The following SLC39A11 variants were observed in gnomAD, a reference collection of about 807,000 sequenced individuals.
SLC39A11 encodes the protein solute carrier family 39 member 11, also known as zinc transporter ZIP11.
SLC39A11 carries 33 observed loss-of-function variants against 36.1 expected under a neutral mutation model. That is an observed-to-expected ratio of 0.91 (90% CI 0.69 to 1.22). The LOEUF (loss-of-function observed/expected upper bound fraction) is 1.22, where lower values mean the gene tolerates loss of function less well. Among genes scored for constraint, SLC39A11 ranks in the 50% most tolerant of loss-of-function variants. SLC39A11 has a pLI of 0.00. For synonymous variants in SLC39A11, 166 were observed against 170.3 expected (o/e 0.97, Z 0.20); for missense variants, 432 against 430.3 (o/e 1.00, Z -0.03).
chr17:73,039,044 G>C (rs2059022170), intron 3 of SLC39A11, among the ~76,000 whole-genome samples: 1 of 152,138 alleles, frequency 6.6e-6, no homozygotes, highest in African/African-American at 2.4e-5. Flanking sequence ...TCAAGTCCGA[G>C]TTTGAATCTT....
At chr17:72,868,012 A>G (rs942502161) in intron 5 of SLC39A11, among the ~76,000 whole-genome samples, 1 of 152,196 alleles carries the variant, frequency 6.6e-6, no homozygotes, top group African/African-American at 2.4e-5. Flanking sequence ...AACCAATCAG[A>G]TATTTTCTTA....
chr17:72,691,346 C>T (rs971175833), intron 7 of SLC39A11, among the ~76,000 whole-genome samples: 1 of 151,834 alleles, frequency 6.6e-6, no homozygotes, highest in African/African-American at 2.4e-5. Context: ...CAAGTGTAGA[C>T]CCGGCCTTAC....
intron 3 of SLC39A11, among the ~76,000 whole-genome samples, chr17:73,042,882 T>G (rs911706738): frequency 6.6e-6 from 1 of 152,072 alleles, no homozygotes; most frequent in Non-Finnish European, 1.5e-5. Context: ...GTTCTCCAAA[T>G]CAGATATAAA....
intron 5 of SLC39A11, among the ~76,000 whole-genome samples, chr17:72,924,064 T>C (rs1433964040): frequency 6.6e-6 from 1 of 151,226 alleles, no homozygotes; most frequent in African/African-American, 2.4e-5. Context: ...GGAGGATCAC[T>C]TGAGCCCGGG....
intron 4 of SLC39A11, among the ~76,000 whole-genome samples, chr17:73,013,410 A>G (rs1598855270): frequency 6.6e-6 from 1 of 152,362 alleles, no homozygotes; most frequent in Non-Finnish European, 1.5e-5. Context: ...TTCCACTTAT[A>G]AGTAAGAACA....
At chr17:73,065,226 G>A (rs2059963799) in intron 3 of SLC39A11, among the ~76,000 whole-genome samples, 1 of 152,060 alleles carries the variant, frequency 6.6e-6, no homozygotes, top group South Asian at 2.1e-4. Flanking sequence ...CCAAAATGGT[G>A]AAACCTCGTC....
In SLC39A11 at chr17:72,665,394, T is replaced by TTTG. The variant is rs1346869327; in HGVS notation, c.672-16127_672-16126insCAA. On this transcript the variant is annotated intron_variant, in intron 7 of 9. Coordinates refer to ENST00000255559, the MANE Select transcript of SLC39A11 (RefSeq NM_139177.4). ...AAGCCACCAAGTTTTGAGGTGTTTT[T>TTTG]TTTTTTTTTTTTTTTTGAGACAGGG... 1.1e-4 allele frequency among the ~76,000 whole-genome samples: 13 copies of TTTG among 120,782 alleles called. 1 individual carries two copies. Among genetic ancestry groups the TTTG allele is most frequent in the African/African-American group, 3.5e-4 (12 of 34,010 alleles). 79.2% of individuals were successfully genotyped at this position (120,782 alleles called of 152,430 possible).
intron 4 of SLC39A11, among the ~76,000 whole-genome samples, chr17:72,948,143 A>G (rs2085557088): frequency 6.6e-6 from 1 of 152,216 alleles, no homozygotes; most frequent in Admixed American, 6.5e-5. Flanking sequence ...GGGAAAATAT[A>G]TACCAGGAAA....
intron 6 of SLC39A11, among the ~76,000 whole-genome samples, chr17:72,846,018 CTTTTTTTTTTT>C (rs569100122): frequency 8.6e-4 from 50 of 57,956 alleles, no homozygotes; most frequent in African/African-American, 3.4e-3. Context: ...CTCTCTCTCT[CTTTTTTTTTTT>C]TTTTTTTTTT....
At chr17:72,937,788 C>T (rs2084865151) in intron 5 of SLC39A11, among the ~76,000 whole-genome samples, 1 of 152,206 alleles carries the variant, frequency 6.6e-6, no homozygotes, top group Non-Finnish European at 1.5e-5. Context: ...GAGCAAACCT[C>T]ACCAAGGCAG....
At chr17:72,706,031 C>T (rs1404871523) in intron 7 of SLC39A11, among the ~76,000 whole-genome samples, 1 of 152,182 alleles carries the variant, frequency 6.6e-6, no homozygotes, top group African/African-American at 2.4e-5. Flanking sequence ...CAGCTCTCTG[C>T]CATCTTGGGA....
intron 5 of SLC39A11, among the ~76,000 whole-genome samples, chr17:72,864,112 T>G (rs962384405): frequency 1.3e-5 from 2 of 152,222 alleles, no homozygotes; most frequent in African/African-American, 4.8e-5. Context: ...AAAGGATTCT[T>G]AAGACTGCAT....
chr17:73,040,797 C>T (rs1348125343), intron 3 of SLC39A11, among the ~76,000 whole-genome samples: 1 of 151,974 alleles, frequency 6.6e-6, no homozygotes, highest in Admixed American at 6.6e-5. Flanking sequence ...CCAGCCTGGT[C>T]AATATGGTGA....
chr17:72,840,422 C>A (rs910423604), intron 6 of SLC39A11, among the ~76,000 whole-genome samples: 25 of 152,362 alleles, frequency 1.6e-4, no homozygotes, highest in Admixed American at 3.9e-4. Context: ...TCAGGACCCA[C>A]ATGAGTCAAT....
intron 6 of SLC39A11, among the ~76,000 whole-genome samples, chr17:72,800,765 T>C (rs897079066): frequency 6.6e-6 from 1 of 152,090 alleles, no homozygotes; most frequent in Non-Finnish European, 1.5e-5. Context: ...AAGCAGGGTG[T>C]TCGCAAATAG....
chr17:72,923,738 CAGAAA>C (rs1475061129), intron 5 of SLC39A11, among the ~76,000 whole-genome samples: 1 of 151,764 alleles, frequency 6.6e-6, no homozygotes, highest in African/African-American at 2.4e-5. Flanking sequence ...GAGACGAGCT[CAGAAA>C]AGAGTTAGCT....
intron 5 of SLC39A11, among the ~76,000 whole-genome samples, chr17:72,909,762 T>C (rs1203069108): frequency 6.8e-6 from 1 of 146,944 alleles, no homozygotes; most frequent in African/African-American, 2.5e-5. Context: ...TTTTTTTTTT[T>C]TGAGACGGAG....
chr17:72,769,698 C>T (rs1036406775), intron 6 of SLC39A11, among the ~76,000 whole-genome samples: 1 of 152,082 alleles, frequency 6.6e-6, no homozygotes, highest in African/African-American at 2.4e-5. Context: ...GTGCGTGCCA[C>T]CACACCCAGC....
chr17:72,692,296 C>A (rs952257118), intron 7 of SLC39A11, among the ~76,000 whole-genome samples: 3 of 152,214 alleles, frequency 2.0e-5, no homozygotes, highest in African/African-American at 7.2e-5. Flanking sequence ...CAGGCGTGGG[C>A]TACCGCGCCC....
Sources: allele counts gnomAD v4.1 joint callset (sites outside exome capture counted in the v4.1 genomes callset), GRCh38; gene constraint gnomAD v4.1.1; transcripts MANE v1.5; gene names NCBI Gene and HGNC (gene_info 2026-07-23, HGNC 2026-07-21).